CCPG1: variants seen among roughly 807,000 people sequenced by gnomAD.
CCPG1 encodes the protein cell cycle progression protein 1.
CCPG1 carries 46 observed loss-of-function variants against 81.3 expected under a neutral mutation model. The ratio of observed to expected loss-of-function variants is 0.57; its 90% CI spans 0.45 to 0.72. CCPG1 has a LOEUF of 0.72. Ranked by LOEUF, CCPG1 falls within the 30% of genes least tolerant of loss-of-function variation. The probability of loss-of-function intolerance (pLI) is 0.00; values close to 1 mark genes in which losing one functional copy is unlikely to be tolerated. For missense variants in CCPG1, 902 were observed against 937.6 expected (o/e 0.96, Z 0.50); for synonymous variants, 330 against 305.2 (o/e 1.08, Z -0.85).
At chr15:55,374,075 T>C (rs1162874600) in intron 5 of CCPG1, 2 of 758,494 alleles carry the variant, frequency 2.6e-6, no homozygotes, top group South Asian at 2.9e-5. Context: ...ACAACAGGTA[T>C]CTTTAAAGCA....
intron 4 of CCPG1, 126 bp downstream of exon 4, chr15:55,378,174 A>G (rs1337729951): frequency 3.6e-6 from 2 of 556,424 alleles, no homozygotes; most frequent in East Asian, 3.2e-5. Flanking sequence ...TAAGACATCT[A>G]ACTTAGAAGT....
At chr15:55,385,518 A>AC (rs946212758) in intron 3 of CCPG1, 82 bp downstream of exon 3, 28 of 681,636 alleles carry the variant, frequency 4.1e-5, no homozygotes, top group Middle Eastern at 5.8e-4. Context: ...CAGAAAGGCC[A>AC]CCCACCTGGA....
Position 55,359,614 on chromosome 15 carries a change from C to A in CCPG1, c.2159G>T (p.Gly720Val). Residue 720 changes from glycine to valine, a missense_variant, in exon 8 of 9, where the codon GGA becomes GTA. Physicochemically the swap from Gly to Val is moderately radical, Grantham distance 109. This residue lies in a region of CCPG1 where 128 missense variants were observed against 161.2 expected (regional missense o/e 0.79). Transcript: ENST00000442196. ...NMKEYEVDNDGVFEKLDEYIY... is the reference protein window; with the variant it reads ...NMKEYEVDNDVVFEKLDEYIY... ...ATATTCATCCAACTTCTCAAATACT[C>A]CATCATTATCTACTTCATATTCCTT... 6.2e-7 allele frequency: 1 copy of A among 1,613,160 alleles called. No homozygotes were observed. Among genetic ancestry groups the A allele is most frequent in the Non-Finnish European group, 8.5e-7 (1 of 1,179,600 alleles).
chr15:55,365,126 G>C, intron 7 of CCPG1, 62 bp downstream of exon 7: 2 of 977,298 alleles, frequency 2.0e-6, no homozygotes, highest in Non-Finnish European at 3.1e-6. Context: ...AGCACAATAA[G>C]CTCTAACTAA....
chr15:55,372,363 C>A, intron 5 of CCPG1: 1 of 291,502 alleles, frequency 3.4e-6, no homozygotes, highest in Non-Finnish European at 6.5e-6. Context: ...TTCGCATAGC[C>A]TCAAGTTTCA....
intron 6 of CCPG1, among the ~76,000 whole-genome samples, chr15:55,370,377 A>T (rs908446185): frequency 1.3e-5 from 2 of 152,250 alleles, no homozygotes; most frequent in African/African-American, 2.4e-5. Context: ...AAAATTTGGG[A>T]AGTTGACAAG....
At chr15:55,379,498 G>C (rs1283521666) in intron 3 of CCPG1, among the ~76,000 whole-genome samples, 2 of 152,022 alleles carry the variant, frequency 1.3e-5, no homozygotes, top group Non-Finnish European at 2.9e-5. Flanking sequence ...CTGCACTCCA[G>C]CCTGGACAAG....
At chr15:55,364,597 G>C (rs1240280639) in intron 7 of CCPG1, among the ~76,000 whole-genome samples, 1 of 150,912 alleles carries the variant, frequency 6.6e-6, no homozygotes, top group Non-Finnish European at 1.5e-5. Flanking sequence ...GGCCATGGCC[G>C]AGCATGGTGG....
In CCPG1 at chr15:55,371,913, C is replaced by G; in HGVS notation, c.586G>C (p.Ala196Pro). The stretch of plus-strand genomic sequence containing the variant: ...TTAGAAGGTTCAGTTTCTTGTTCAG[C>G]AACTAGCCGGTCTTCAGATTCTGAA... ...SASESEDRLV[A>P]EQETEPSKEL... Residue 196 changes from alanine to proline, a missense_variant, in exon 6 of 9, where the codon GCT (alanine) becomes CCT (proline). By Grantham distance (27) the Ala-to-Pro change is conservative (BLOSUM62 -1). Around this residue, in one of 3 missense-constraint regions of CCPG1, gnomAD observed 746 missense variants for 728.6 expected, o/e 1.02. Transcript: ENST00000442196. 6.2e-7 allele frequency: 1 copy of G among 1,614,190 alleles called. No individual in the cohort carries two copies. The highest frequency in any genetic ancestry group is 8.5e-7 in the Non-Finnish European group (1 of 1,180,030).
rs138768211 is a variant in CCPG1, at chr15:55,405,914, G to C, written c.-10+2307C>G. Among the ~76,000 whole-genome samples the C allele has an allele frequency of 2.1e-3, 314 of 152,344 alleles. 1 individual carries two copies. The highest frequency in any genetic ancestry group is 7.3e-3 in the African/African-American group (302 of 41,580). ...CAGTCTCACTCTGTCACCCAGGCTA[G>C]AGTACAGTGGCATGATCTCGGCTCA... On this transcript the variant is annotated intron_variant, in intron 1 of 8. Coordinates refer to ENST00000442196, the MANE Select transcript of CCPG1 (RefSeq NM_001204450.2).
rs183906075 is a variant in CCPG1, at chr15:55,379,557, C to T, written c.176-1181G>A. 8.7e-4 allele frequency among the ~76,000 whole-genome samples: 133 copies of T among 152,006 alleles called. No individual in the cohort carries two copies. In the Middle Eastern group the frequency reaches 0.01, roughly 12 times the overall value. ...AAAGTCAGAGAGAGGGCAGTCCAGG[C>T]ACAGTGGCTCATGCTTGTAATCCCA... On this transcript the variant is annotated intron_variant, in intron 3 of 8. Transcript: ENST00000442196.
At position 55,360,249 on chromosome 15, in the gene CCPG1, T is replaced by A. The variant is rs1335854432; in HGVS notation, c.1524A>T (p.Lys508Asn). ...NSTKEFVRHH[K>N]EKIKQAKEAV... is the part of the protein sequence containing the mutation. ...CTTCTTTAGCCTGCTTAATTTTCTC[T>A]TTATGATGCCTTACAAACTCCTTGG... The change falls in exon 8 of 9, where the codon AAA becomes AAT. Residue 508 changes from lysine (K) to asparagine (N), a missense_variant. Around this residue, in one of 3 missense-constraint regions of CCPG1, gnomAD observed 746 missense variants for 728.6 expected, o/e 1.02. Transcript: ENST00000442196. 6.2e-7 allele frequency: 1 copy of A among 1,614,036 alleles called. No individual in the cohort carries two copies. Among genetic ancestry groups the A allele is most frequent in the Admixed American group, 1.7e-5 (1 of 60,004 alleles).
intron 8 of CCPG1, chr15:55,358,794 G>C (rs1469897076): frequency 2.7e-5 from 27 of 983,746 alleles, no homozygotes; most frequent in Non-Finnish European, 3.3e-5. Context: ...TTCATTATAG[G>C]ACTAGATACC....
intron 8 of CCPG1, 190 bp downstream of exon 8, chr15:55,359,349 A>C: frequency 7.4e-7 from 1 of 1,346,520 alleles, no homozygotes; most frequent in Non-Finnish European, 9.5e-7. Flanking sequence ...CGTTATAATG[A>C]AATGTTCCAT....
chr15:55,363,473 G>C (rs2056249744), intron 7 of CCPG1, among the ~76,000 whole-genome samples: 1 of 150,690 alleles, frequency 6.6e-6, no homozygotes, highest in African/African-American at 2.4e-5. Flanking sequence ...AGAAAACACT[G>C]TGGTGAAGAA....
rs1428593677 is a variant in CCPG1 at position 55,356,112 on chromosome 15, CAAAAG to C, written c.*103_*107del. The C allele has an allele frequency of 2.1e-5, 18 of 851,828 alleles. No homozygotes were observed. The highest frequency in any genetic ancestry group is 8.8e-5 in the African/African-American group (5 of 57,092). The allele number at this position is 851,828 out of a possible 1,614,324, so 52.8% of individuals were successfully genotyped here. ...AAGTTATCAAACTGATACTTAGAAACAAAAGAAAAGACATTGTCATCTTGGTAATT... is the reference window on the plus strand; with the variant it reads ...AAGTTATCAAACTGATACTTAGAAACAAAAGACATTGTCATCTTGGTAATT... On this transcript the variant is annotated 3_prime_UTR_variant, in exon 9 of 9. Transcript: ENST00000442196.
intron 8 of CCPG1, chr15:55,356,800 CA>C: frequency 1.0e-6 from 1 of 993,110 alleles, no homozygotes; most frequent in East Asian, 1.1e-4. Flanking sequence ...ACAAAAGTCT[CA>C]ACTTTTTCTT....
At chr15:55,407,175 C>T (rs993910295) in intron 1 of CCPG1, among the ~76,000 whole-genome samples, 1 of 151,406 alleles carries the variant, frequency 6.6e-6, no homozygotes, top group African/African-American at 2.4e-5. Flanking sequence ...TTGCAGTGAG[C>T]CGAGATCGCG....
chr15:55,407,392 G>A (rs1210960461), intron 1 of CCPG1, among the ~76,000 whole-genome samples: 1 of 152,082 alleles, frequency 6.6e-6, no homozygotes, highest in African/African-American at 2.4e-5. Flanking sequence ...TAAAAGATAC[G>A]ATGCAGTAAT....
Sources: gnomAD v4.1 joint callset for allele counts (sites outside exome capture counted in the v4.1 genomes callset) on GRCh38, gnomAD v4.1.1 for gene constraint, gnomAD v4.1.1 regional missense constraint, MANE v1.5 for transcripts, NCBI Gene and HGNC (gene_info 2026-07-23, HGNC 2026-07-21) for gene names.